The following CACNA1I variants were observed in gnomAD, a reference collection of about 807,000 sequenced individuals.
CACNA1I encodes calcium voltage-gated channel subunit alpha1 I.
Under a neutral mutation model 201.6 loss-of-function variants are expected in CACNA1I, and 74 were observed. The observed-to-expected ratio is 0.37, with a 90% confidence interval of 0.30 to 0.45. CACNA1I has a LOEUF of 0.45. CACNA1I is among the 20% of genes least tolerant of loss of function. The pLI is 1.00. For missense variants in CACNA1I, 2,346 were observed against 3,138.1 expected (o/e 0.75, Z 6.03); for synonymous variants, 1,431 against 1,345.2 (o/e 1.06, Z -1.40).
At chr22:39,583,035 T>C (rs1436923594) in intron 1 of CACNA1I, among the ~76,000 whole-genome samples, 1 of 31,058 alleles carries the variant, frequency 3.2e-5, no homozygotes, top group African/African-American at 1.6e-4. Flanking sequence ...CACCCAACCA[T>C]CCATCCATCC....
rs771894093 is a variant in CACNA1I, at chr22:39,598,223, C to T, written c.309C>T (p.Asp103=). ...CACTTGGCATGTACCAGCCGTGCGA[C>T]GACATGGACTGCCTGTCCGACCGCT... ...CVTLGMYQPC[D]DMDCLSDRCK... Residue 103 remains aspartate (D), a synonymous_variant, in exon 2 of 37, where the codon GAC becomes GAT. Transcript: ENST00000402142. 4 of 1,607,506 alleles carry T rather than the reference C, an allele frequency of 2.5e-6. No homozygotes were observed. The highest frequency in any genetic ancestry group is 4.5e-5 in the East Asian group (2 of 44,692).
intron 3 of CACNA1I, among the ~76,000 whole-genome samples, chr22:39,606,332 C>T (rs562796292): frequency 1.3e-5 from 2 of 152,170 alleles, no homozygotes; most frequent in Non-Finnish European, 2.9e-5. Context: ...TTAAAACCCA[C>T]GTGAAAAACT....
In CACNA1I at chr22:39,649,607, T is replaced by C. The variant is rs1386298812; in HGVS notation, c.1674T>C (p.His558=). ...CCGCCAGCTGCCCTTGCTGCCAGCA[T>C]GAGGACGGCCGGCGGCCCTCGGGCC... is the stretch of plus-strand genomic sequence containing the variant. ...SDPASCPCCQ[H]EDGRRPSGLG... Residue 558 remains histidine (H), a synonymous_variant, in exon 10 of 37, where the codon CAT becomes CAC. Coordinates refer to ENST00000402142, the MANE Select transcript of CACNA1I (RefSeq NM_021096.4). This position sits in a 1 kb window ranked among gnomAD's most constrained non-coding sequence, Gnocchi z 7.3. 5 of 1,539,140 alleles carry C rather than the reference T, an allele frequency of 3.2e-6. No individual in the cohort carries two copies. The highest frequency in any genetic ancestry group is 4.4e-6 in the Non-Finnish European group (5 of 1,141,562).
In CACNA1I at chr22:39,675,262, T is replaced by C. The variant is rs140841788; in HGVS notation, c.4854+1229T>C. ...AGGGCGGCGGTGAGGTGTCAGATGG[T>C]TAAAGCTTATGAAGCACTTAAGAGG... On this transcript the variant is annotated intron_variant, in intron 29 of 36. Coordinates refer to ENST00000402142, the MANE Select transcript of CACNA1I (RefSeq NM_021096.4). Among the ~76,000 whole-genome samples, 335 of 152,348 alleles carry C rather than the reference T, an allele frequency of 2.2e-3. 3 individuals are homozygous for C. The highest frequency in any genetic ancestry group is 7.6e-3 in the African/African-American group (316 of 41,580).
chr22:39,677,863 C>T lies in CACNA1I; in HGVS notation c.4934-124C>T. ...AGCCTCAGTTTATCTGTGGGCTGGGCACAGTCTGCAGGCCCCTCCTAGGGT... is the reference window on the plus strand; with the variant it reads ...AGCCTCAGTTTATCTGTGGGCTGGGTACAGTCTGCAGGCCCCTCCTAGGGT... On this transcript the variant is annotated intron_variant, in intron 30 of 36. Coordinates refer to ENST00000402142, the MANE Select transcript of CACNA1I (RefSeq NM_021096.4). This position sits in a 1 kb window ranked among gnomAD's most constrained non-coding sequence, Gnocchi z 4.8. 1 of 1,120,124 alleles carries T rather than the reference C, an allele frequency of 8.9e-7. No homozygotes were observed. 69.4% of individuals were successfully genotyped at this position (1,120,124 alleles called of 1,614,324 possible).
At chr22:39,670,773 T>C (rs1232107802) in intron 25 of CACNA1I, 30 bp from the exon 26 acceptor site, 12 of 1,612,888 alleles carry the variant, frequency 7.4e-6, no homozygotes, top group African/African-American at 1.3e-5. Flanking sequence ...CCCTCTGTGG[T>C]CTTTGCCACT....
chr22:39,571,074 T>G (rs753411107), intron 1 of CACNA1I, 86 bp downstream of exon 1: 16 of 1,197,700 alleles, frequency 1.3e-5, no homozygotes, highest in Non-Finnish European at 1.9e-5. Flanking sequence ...CACACCTTGC[T>G]CCGGCTGGGA....
intron 7 of CACNA1I, among the ~76,000 whole-genome samples, 192 bp downstream of exon 7, chr22:39,643,081 T>A (rs374105311): frequency 2.3e-4 from 35 of 152,168 alleles, no homozygotes; most frequent in East Asian, 1.2e-3. Flanking sequence ...GGGGCGGCTG[T>A]CGGGAGCATC....
chr22:39,664,764 G>A lies in CACNA1I; in HGVS notation c.3692G>A (p.Gly1231Asp). The change falls in exon 21 of 37, where the codon GGC (glycine) becomes GAC (aspartate). Residue 1231 changes from glycine (G) to aspartate (D), a missense_variant. Transcript: ENST00000402142. ...GTAGTCTCGCTGGGCCTGTACTTCG[G>A]CGAGCAGGCGTACCTACGCAGCAGC... ...LKVVSLGLYF[G>D]EQAYLRSSWN... 6.2e-7 allele frequency: 1 copy of A among 1,609,444 alleles called. No homozygotes were observed. Among genetic ancestry groups the A allele is most frequent in the African/African-American group, 1.3e-5 (1 of 74,546 alleles).
In CACNA1I at chr22:39,656,662, G is replaced by C. The variant is rs201682246; in HGVS notation, c.1993-1490G>C. On this transcript the variant is annotated intron_variant, in intron 10 of 36. Transcript: ENST00000402142. Reference sequence around the variant, plus strand: ...TGCAGGAATGAATGAATGAATGAATGAATGAATGAATTTGGCTGCAGTCCC... The same window carrying C: ...TGCAGGAATGAATGAATGAATGAATCAATGAATGAATTTGGCTGCAGTCCC... 1,222 of 517,258 alleles carry C rather than the reference G, an allele frequency of 2.4e-3. 3 individuals carry two copies. Among genetic ancestry groups the C allele is most frequent in the Non-Finnish European group, 4.0e-3 (1,034 of 259,852 alleles). 32.0% of individuals were successfully genotyped at this position (517,258 alleles called of 1,614,324 possible).
chr22:39,593,606 GGCGAGAGTCTACCTT>G (rs1235514828), intron 1 of CACNA1I, among the ~76,000 whole-genome samples: 1 of 152,228 alleles, frequency 6.6e-6, no homozygotes, highest in Non-Finnish European at 1.5e-5. Flanking sequence ...GATTCACTGA[GGCGAGAGTCTACCTT>G]GCGTACCAGG....
intron 1 of CACNA1I, among the ~76,000 whole-genome samples, chr22:39,578,076 C>T (rs546661401): frequency 5.2e-4 from 79 of 152,176 alleles, no homozygotes; most frequent in African/African-American, 1.8e-3. Context: ...TGGGCGGAGA[C>T]GCCTAGGGCT....
At chr22:39,638,134 T>G (rs1299868634) in intron 5 of CACNA1I, among the ~76,000 whole-genome samples, 1 of 152,212 alleles carries the variant, frequency 6.6e-6, no homozygotes, top group African/African-American at 2.4e-5. Flanking sequence ...GAGATGGGGT[T>G]TTGCCATGTT....
chr22:39,685,677 C>T lies in CACNA1I; in HGVS notation c.6028-84C>T. 4 of 1,170,670 alleles carry T rather than the reference C, an allele frequency of 3.4e-6. No individual in the cohort carries two copies. The highest frequency in any genetic ancestry group is 2.2e-6 in the Non-Finnish European group (2 of 892,110). 72.5% of individuals were successfully genotyped at this position (1,170,670 alleles called of 1,614,324 possible). On this transcript the variant is annotated intron_variant, in intron 36 of 36. Transcript: ENST00000402142. The surrounding 1 kb of genome is among the most constrained non-coding windows in gnomAD (Gnocchi z 5.0). ...CTCCTTGGATGGGGTCTGCCTGCTG[C>T]CTGCTGTGCGGGGGAGGGCGGCGTC...
At chr22:39,609,138 G>A (rs1933309425) in intron 3 of CACNA1I, among the ~76,000 whole-genome samples, 1 of 152,202 alleles carries the variant, frequency 6.6e-6, no homozygotes, top group South Asian at 2.1e-4. Context: ...CTCACACCGT[G>A]CATCATCCTG....
At chr22:39,591,599 C>A (rs941306230) in intron 1 of CACNA1I, among the ~76,000 whole-genome samples, 1 of 152,020 alleles carries the variant, frequency 6.6e-6, no homozygotes, top group African/African-American at 2.4e-5. Context: ...CACTCTGTCA[C>A]CCACGCTGGA....
chr22:39,682,254 C>T (rs1043664986), intron 34 of CACNA1I, among the ~76,000 whole-genome samples: 3 of 152,218 alleles, frequency 2.0e-5, no homozygotes, highest in South Asian at 2.1e-4. Flanking sequence ...CTGGCTTCTT[C>T]GCTGGGCCAG....
chr22:39,647,723 C>T, intron 8 of CACNA1I, 99 bp from the exon 9 acceptor site: 1 of 866,432 alleles, frequency 1.2e-6, no homozygotes. Flanking sequence ...CAAGTTTATG[C>T]TTTTAGGCTT....
At position 39,677,716 on chromosome 22, in the gene CACNA1I, A is replaced by G. The variant is rs1935557353; in HGVS notation, c.4934-271A>G. On this transcript the variant is annotated intron_variant, in intron 30 of 36. Coordinates refer to ENST00000402142, the MANE Select transcript of CACNA1I (RefSeq NM_021096.4). This position sits in a 1 kb window ranked among gnomAD's most constrained non-coding sequence, Gnocchi z 4.8. Reference sequence around the variant, plus strand: ...CTGCACCGGGATGGCTCCAGAAAGCAGGGTTCCCCGAGGGGCTGGCCCTCA... The same window carrying G: ...CTGCACCGGGATGGCTCCAGAAAGCGGGGTTCCCCGAGGGGCTGGCCCTCA... Among the ~76,000 whole-genome samples the G allele has an allele frequency of 2.6e-5, 4 of 152,220 alleles. No homozygotes were observed. Among genetic ancestry groups the G allele is most frequent in the Admixed American group, 1.3e-4 (2 of 15,288 alleles).
Sources: gnomAD v4.1 joint callset for allele counts (sites outside exome capture counted in the v4.1 genomes callset) on GRCh38, gnomAD v4.1.1 for gene constraint, Gnocchi (gnomAD v3.1) non-coding constraint, MANE v1.5 for transcripts, NCBI Gene and HGNC (gene_info 2026-07-23, HGNC 2026-07-21) for gene names.